Variants in JCAD observed in about 807,000 individuals in gnomAD.
JCAD encodes junctional cadherin 5 associated, also known as junctional cadherin 5-associated protein.
A neutral mutation model predicts 98.0 loss-of-function variants in JCAD; 40 were observed. That is an observed-to-expected ratio of 0.41 (90% CI 0.32 to 0.53). The LOEUF is 0.53. Among genes scored for constraint, JCAD ranks in the 20% least tolerant of loss-of-function variants. The probability of loss-of-function intolerance (pLI) is 0.31; values close to 1 mark genes in which losing one functional copy is unlikely to be tolerated. For missense variants in JCAD, 1,705 were observed against 1,738.1 expected, an observed-to-expected ratio of 0.98 and a Z score of 0.34; for synonymous variants, 691 against 682.3, an observed-to-expected ratio of 1.01 and a Z score of -0.20.
At chr10:30,097,576 T>C (rs1305907941) in intron 1 of JCAD, among the ~76,000 whole-genome samples, 6 of 152,052 alleles carry the variant, frequency 3.9e-5, no homozygotes, top group African/African-American at 1.2e-4. Flanking sequence ...GGTGAAACCC[T>C]GCATCTACTA....
chr10:30,093,715 G>C (rs982358389), intron 1 of JCAD, among the ~76,000 whole-genome samples: 4 of 152,174 alleles, frequency 2.6e-5, no homozygotes, highest in Admixed American at 2.6e-4. Flanking sequence ...GAATCCCGGG[G>C]ATAGAGTCTA....
At chr10:30,088,047 G>T (rs775635912) in intron 1 of JCAD, among the ~76,000 whole-genome samples, 2 of 152,192 alleles carry the variant, frequency 1.3e-5, no homozygotes, top group African/African-American at 4.8e-5. Context: ...CACTGTGTTG[G>T]CTAGAATGGT....
At chr10:30,039,252 C>T (rs910007962) in intron 2 of JCAD, among the ~76,000 whole-genome samples, 27 of 152,328 alleles carry the variant, frequency 1.8e-4, no homozygotes, top group African/African-American at 6.3e-4. Context: ...TACAGGAAGC[C>T]ACCCCTGAGG....
intron 1 of JCAD, among the ~76,000 whole-genome samples, chr10:30,074,937 C>T (rs1837956555): frequency 1.3e-5 from 2 of 152,108 alleles, no homozygotes; most frequent in Non-Finnish European, 2.9e-5. Context: ...GGACTATGGG[C>T]ACATGCTGCC....
At chr10:30,057,263 C>T (rs149707106) in intron 1 of JCAD, among the ~76,000 whole-genome samples, 82 of 152,306 alleles carry the variant, frequency 5.4e-4, no homozygotes, top group Non-Finnish European at 5.9e-4. Context: ...CCAAACTGGC[C>T]AGTGAGAACT....
Position 30,026,423 on chromosome 10 carries a change from C to T in JCAD, c.3725G>A (p.Ser1242Asn). The T allele has an allele frequency of 6.2e-7, 1 of 1,614,260 alleles. No individual in the cohort carries two copies. Among genetic ancestry groups the T allele is most frequent in the Non-Finnish European group, 8.5e-7 (1 of 1,180,034 alleles). The change falls in exon 3 of 4, where the codon AGT (serine) becomes AAT (asparagine). Residue 1242 changes from serine (S) to asparagine (N), a missense_variant. Coordinates refer to ENST00000375377, the MANE Select transcript of JCAD (RefSeq NM_020848.4). ...RLRSPSKVIESLQEKLASPPR... is the reference protein window; with the variant it reads ...RLRSPSKVIENLQEKLASPPR... ...CGGGGAGGCCAGTTTCTCTTGTAAACTTTCAATCACTTTGGAAGGGCTTCT... is the reference window on the plus strand; with the variant it reads ...CGGGGAGGCCAGTTTCTCTTGTAAATTTTCAATCACTTTGGAAGGGCTTCT...
intron 2 of JCAD, among the ~76,000 whole-genome samples, chr10:30,034,507 T>C (rs1373299103): frequency 6.6e-6 from 1 of 152,216 alleles, no homozygotes; most frequent in Admixed American, 6.5e-5. Flanking sequence ...AATTATGTTT[T>C]GAGCATTTGG....
chr10:30,041,202 G>A (rs1443014841), intron 2 of JCAD, among the ~76,000 whole-genome samples: 1 of 151,976 alleles, frequency 6.6e-6, no homozygotes, highest in Non-Finnish European at 1.5e-5. Flanking sequence ...ACTTACGAAC[G>A]AGACCAAGGA....
At chr10:30,021,063 G>C (rs1036615936) in intron 3 of JCAD, among the ~76,000 whole-genome samples, 1 of 152,166 alleles carries the variant, frequency 6.6e-6, no homozygotes, top group Admixed American at 6.5e-5. Context: ...GGTCATTTCA[G>C]CTCACACCTT....
intron 1 of JCAD, among the ~76,000 whole-genome samples, chr10:30,092,664 A>T (rs1332918188): frequency 6.6e-6 from 1 of 152,140 alleles, no homozygotes; most frequent in African/African-American, 2.4e-5. Context: ...GCACCCAGCC[A>T]GCACGTTGGA....
rs768348056 is a variant in JCAD at position 30,026,166 on chromosome 10, C to T, written c.3982G>A (p.Glu1328Lys). 3 of 1,614,214 alleles carry T rather than the reference C, an allele frequency of 1.9e-6. No homozygotes were observed. Among genetic ancestry groups the T allele is most frequent in the Non-Finnish European group, 2.5e-6 (3 of 1,180,048 alleles). ...TGTGCTGCCGGATGCTCCTTCTCTT[C>T]CCTGGAGATGCTGTCCTTGGACACA... is the stretch of plus-strand genomic sequence containing the variant. ...LSVSKDSISR[E>K]EKEHPAAQKE... is the part of the protein sequence containing the mutation. The change falls in exon 3 of 4, where the codon GAA (glutamate) becomes AAA (lysine). Residue 1328 changes from glutamate (E) to lysine (K), a missense_variant. Glu to Lys is a moderately conservative substitution (Grantham distance 56, BLOSUM62 1). This residue lies in a region of JCAD where 1,278 missense variants were observed against 1,243.1 expected (regional missense o/e 1.03). Transcript: ENST00000375377.
chr10:30,072,862 G>A (rs1231810899), intron 1 of JCAD, among the ~76,000 whole-genome samples: 1 of 152,136 alleles, frequency 6.6e-6, no homozygotes, highest in African/African-American at 2.4e-5. Context: ...ATGTTGGCCA[G>A]GCTGATTTCA....
At chr10:30,038,470 G>A (rs1279560178) in intron 2 of JCAD, among the ~76,000 whole-genome samples, 1 of 151,948 alleles carries the variant, frequency 6.6e-6, no homozygotes, top group East Asian at 1.9e-4. Flanking sequence ...GATCGCTTGA[G>A]CCCAGGAGTT....
chr10:30,111,420 G>A (rs1283618196), intron 1 of JCAD, among the ~76,000 whole-genome samples: 2 of 152,090 alleles, frequency 1.3e-5, no homozygotes, highest in Admixed American at 1.3e-4. Flanking sequence ...CAGGGCTGGG[G>A]AATAACCATA....
intron 3 of JCAD, among the ~76,000 whole-genome samples, chr10:30,018,866 A>G (rs1235206251): frequency 6.6e-6 from 1 of 152,204 alleles, no homozygotes; most frequent in Non-Finnish European, 1.5e-5. Flanking sequence ...TCCTCAAAAA[A>G]ATTAAAAATA....
chr10:30,106,438 A>G (rs1838582627), intron 1 of JCAD, among the ~76,000 whole-genome samples: 1 of 151,828 alleles, frequency 6.6e-6, no homozygotes, highest in Non-Finnish European at 1.5e-5. Flanking sequence ...AAAAAAAAAA[A>G]GTACAACGCA....
chr10:30,079,547 C>T (rs12254462), intron 1 of JCAD, among the ~76,000 whole-genome samples: 2,388 of 152,182 alleles, frequency 0.016, 56 homozygotes, highest in African/African-American at 0.054. Flanking sequence ...CCTGTCTAGG[C>T]AGAGAATCTT....
At chr10:30,021,294 A>G (rs1392822464) in intron 3 of JCAD, among the ~76,000 whole-genome samples, 1 of 152,204 alleles carries the variant, frequency 6.6e-6, no homozygotes, top group East Asian at 1.9e-4. Flanking sequence ...AAACTCCTGG[A>G]CTGAAGTGAT....
At position 30,059,109 on chromosome 10, in the gene JCAD, G is replaced by A. The variant is rs1381743332; in HGVS notation, c.-60+373C>T. ...GGGAGGGCGACTTCGAGAGGGGAGT[G>A]AGTGACCCCGGCCCCCCAGGCCCTC... On this transcript the variant is annotated intron_variant, in intron 1 of 3. Coordinates refer to ENST00000375377, the MANE Select transcript of JCAD (RefSeq NM_020848.4). The surrounding 1 kb of genome is among the most constrained non-coding windows in gnomAD (Gnocchi z 5.0). Among the ~76,000 whole-genome samples the A allele has an allele frequency of 3.3e-5, 5 of 151,932 alleles. No homozygotes were observed. The highest frequency in any genetic ancestry group is 1.2e-4 in the African/African-American group (5 of 41,408).
Sources: gnomAD v4.1 joint callset for allele counts (sites outside exome capture counted in the v4.1 genomes callset) on GRCh38, gnomAD v4.1.1 for gene constraint, gnomAD v4.1.1 regional missense constraint, Gnocchi (gnomAD v3.1) non-coding constraint, MANE v1.5 for transcripts, NCBI Gene and HGNC (gene_info 2026-07-23, HGNC 2026-07-21) for gene names.